The following KCNAB1 variants were observed in gnomAD, a reference collection of about 807,000 sequenced individuals.
The protein encoded by KCNAB1 is voltage-gated potassium channel subunit beta-1.
A neutral mutation model predicts 64.6 loss-of-function variants in KCNAB1; 35 were observed. The ratio of observed to expected loss-of-function variants is 0.54; its 90% CI spans 0.41 to 0.72. The LOEUF is 0.72. Among genes scored for constraint, KCNAB1 ranks in the 30% least tolerant of loss-of-function variants. The pLI is 0.00. For synonymous variants in KCNAB1, 177 were observed against 183.8 expected (o/e 0.96, Z 0.30); for missense variants, 401 against 512.9 (o/e 0.78, Z 2.11).
chr3:156,143,576 T>TTTTTTTTTTTTG (rs1560105833), intron 1 of KCNAB1, among the ~76,000 whole-genome samples: 2 of 17,894 alleles, frequency 1.1e-4, no homozygotes, highest in Non-Finnish European at 2.9e-4. Flanking sequence ...CTTGTTTTTT[T>TTTTTTTTTTTTG]TTTTTTTTTT....
chr3:156,187,256 C>G (rs1577687823), intron 1 of KCNAB1, among the ~76,000 whole-genome samples: 2 of 152,274 alleles, frequency 1.3e-5, no homozygotes, highest in Admixed American at 1.3e-4. Context: ...TTTCTTTTCC[C>G]TTTATACACT....
chr3:156,510,843 G>T (rs1474281856), intron 8 of KCNAB1, among the ~76,000 whole-genome samples: 1 of 152,148 alleles, frequency 6.6e-6, no homozygotes, highest in East Asian at 1.9e-4. Context: ...ACATCCCTGT[G>T]TGCCGGCTTC....
chr3:156,222,440 ATACC>A (rs1715838744), intron 1 of KCNAB1, among the ~76,000 whole-genome samples: 1 of 152,204 alleles, frequency 6.6e-6, no homozygotes, highest in Non-Finnish European at 1.5e-5. Flanking sequence ...AATTACTACT[ATACC>A]TAAGAAATGA....
intron 1 of KCNAB1, among the ~76,000 whole-genome samples, chr3:156,205,008 C>T (rs941710260): frequency 1.3e-5 from 2 of 152,082 alleles, no homozygotes; most frequent in African/African-American, 4.8e-5. Flanking sequence ...ACATGTACAA[C>T]ACAAAAATTA....
chr3:156,183,974 T>A (rs1713030848), intron 1 of KCNAB1, among the ~76,000 whole-genome samples: 2 of 152,238 alleles, frequency 1.3e-5, no homozygotes, highest in South Asian at 2.1e-4. Flanking sequence ...AAAATGGGGA[T>A]AATAATTATA....
chr3:156,523,013 G>A lies in KCNAB1; in HGVS notation c.961-814G>A, dbSNP rs371121217. Among the ~76,000 whole-genome samples, 5 of 152,304 alleles carry A rather than the reference G, an allele frequency of 3.3e-5. No homozygotes were observed. The East Asian group carries it at 7.7e-4, about 23-fold the overall frequency. ...TATTGTTCCCTTTCTCATAGTAAGAGCAGAGCCTTCTGGAAACTAAGGCAT... is the reference window on the plus strand; with the variant it reads ...TATTGTTCCCTTTCTCATAGTAAGAACAGAGCCTTCTGGAAACTAAGGCAT... On this transcript the variant is annotated intron_variant, in intron 11 of 13. Transcript: ENST00000490337.
intron 1 of KCNAB1, among the ~76,000 whole-genome samples, chr3:156,229,821 A>G (rs979399702): frequency 6.6e-6 from 1 of 152,190 alleles, no homozygotes; most frequent in African/African-American, 2.4e-5. Flanking sequence ...TTGTTTGGGT[A>G]GCAAGATATT....
At chr3:156,138,637 T>C (rs1018009640) in intron 1 of KCNAB1, among the ~76,000 whole-genome samples, 1 of 152,220 alleles carries the variant, frequency 6.6e-6, no homozygotes, top group Non-Finnish European at 1.5e-5. Flanking sequence ...ATTCATGGAC[T>C]CCAAGTCTCG....
intron 1 of KCNAB1, among the ~76,000 whole-genome samples, chr3:156,314,968 T>G (rs1722179355): frequency 6.6e-6 from 1 of 152,034 alleles, no homozygotes; most frequent in Non-Finnish European, 1.5e-5. Context: ...GAGCCGAGAT[T>G]GCGCAACTGC....
chr3:156,378,498 C>T (rs1005916435), intron 1 of KCNAB1, among the ~76,000 whole-genome samples: 3 of 152,114 alleles, frequency 2.0e-5, no homozygotes, highest in Non-Finnish European at 4.4e-5. Context: ...CCCCTTAGCC[C>T]TTTTTGGCCA....
chr3:156,429,241 T>C (rs1019127714), intron 2 of KCNAB1, among the ~76,000 whole-genome samples: 1 of 152,246 alleles, frequency 6.6e-6, no homozygotes, highest in Non-Finnish European at 1.5e-5. Flanking sequence ...ATGTGTGAAC[T>C]GATATCTAGT....
At chr3:156,383,745 A>T (rs940807252) in intron 1 of KCNAB1, among the ~76,000 whole-genome samples, 1 of 152,216 alleles carries the variant, frequency 6.6e-6, no homozygotes, top group African/African-American at 2.4e-5. Flanking sequence ...ACAGATTTCA[A>T]TATGCTAGCC....
At chr3:156,475,818 T>C (rs551969455) in intron 8 of KCNAB1, among the ~76,000 whole-genome samples, 1 of 152,328 alleles carries the variant, frequency 6.6e-6, no homozygotes, top group South Asian at 2.1e-4. Context: ...TATAAATTTT[T>C]CTGGGTTGTA....
chr3:156,467,379 C>G (rs1331705325), intron 7 of KCNAB1, among the ~76,000 whole-genome samples: 1 of 152,048 alleles, frequency 6.6e-6, no homozygotes, highest in African/African-American at 2.4e-5. Context: ...ATCATTGAAA[C>G]AAGTGATTTT....
intron 2 of KCNAB1, among the ~76,000 whole-genome samples, chr3:156,437,681 A>C (rs1223474893): frequency 6.6e-6 from 1 of 152,158 alleles, no homozygotes; most frequent in Non-Finnish European, 1.5e-5. Context: ...ATTTGCTGCC[A>C]CTGGGATTTT....
intron 7 of KCNAB1, among the ~76,000 whole-genome samples, chr3:156,466,621 G>C (rs935985366): frequency 2.0e-5 from 3 of 151,898 alleles, no homozygotes; most frequent in Non-Finnish European, 4.4e-5. Context: ...TCATCACTGA[G>C]TAGTATACTA....
At chr3:156,217,764 G>A (rs1301077177) in intron 1 of KCNAB1, among the ~76,000 whole-genome samples, 1 of 152,208 alleles carries the variant, frequency 6.6e-6, no homozygotes, top group Admixed American at 6.5e-5. Context: ...CTGGAAACAA[G>A]CTGGTCATAA....
intron 8 of KCNAB1, among the ~76,000 whole-genome samples, chr3:156,489,435 G>A (rs1362363916): frequency 1.3e-5 from 2 of 152,128 alleles, no homozygotes; most frequent in African/African-American, 2.4e-5. Context: ...GTTACTGATA[G>A]GTCAAGTAAG....
At chr3:156,324,350 G>A (rs954974256) in intron 1 of KCNAB1, among the ~76,000 whole-genome samples, 1 of 152,090 alleles carries the variant, frequency 6.6e-6, no homozygotes, top group African/African-American at 2.4e-5. Context: ...TAATTAGGAG[G>A]CATAATAGGT....
Sources: gnomAD v4.1 joint callset for allele counts (sites outside exome capture counted in the v4.1 genomes callset) on GRCh38, gnomAD v4.1.1 for gene constraint, MANE v1.5 for transcripts, NCBI Gene and HGNC (gene_info 2026-07-23, HGNC 2026-07-21) for gene names.